GABRG3: variants seen among roughly 807,000 people sequenced by gnomAD.
GABRG3 encodes gamma-aminobutyric acid receptor subunit gamma-3.
In GABRG3, 25 loss-of-function variants were observed where a neutral mutation model predicts 48.8. The ratio of observed to expected loss-of-function variants is 0.51; its 90% confidence interval spans 0.37 to 0.72. The LOEUF (loss-of-function observed/expected upper bound fraction) is 0.72. Among genes scored for constraint, GABRG3 ranks in the 30% least tolerant of loss-of-function variants. The probability of loss-of-function intolerance (pLI) is 0.00; values close to 1 mark genes in which losing one functional copy is unlikely to be tolerated. For synonymous variants in GABRG3, 227 were observed against 217.6 expected, an observed-to-expected ratio of 1.04 and a Z score of -0.38; for missense variants, 394 against 577.9, an observed-to-expected ratio of 0.68 and a Z score of 3.26.
chr15:27,076,042 A>T lies in GABRG3; in HGVS notation c.270+49221A>T, dbSNP rs535611502. Among the ~76,000 whole-genome samples, 3 of 152,230 alleles carry T rather than the reference A, an allele frequency of 2.0e-5. No individual in the cohort carries two copies. The South Asian group carries it at 6.2e-4, about 32-fold the overall frequency. On this transcript the variant is annotated intron_variant, in intron 3 of 9. Coordinates refer to ENST00000615808, the MANE Select transcript of GABRG3 (RefSeq NM_033223.5). Reference sequence around the variant, plus strand: ...GCAGAGTCATTTGGGGGGCTTCCTCACAGTCTTGAGCTTGCAGGTGTTTGG... The same window carrying T: ...GCAGAGTCATTTGGGGGGCTTCCTCTCAGTCTTGAGCTTGCAGGTGTTTGG...
intron 3 of GABRG3, among the ~76,000 whole-genome samples, chr15:27,225,389 A>AG (rs1395313280): frequency 6.6e-6 from 1 of 152,030 alleles, no homozygotes; most frequent in East Asian, 1.9e-4. Context: ...GCCGGTGCTT[A>AG]GGGTGGACTG....
chr15:27,527,493 G>C lies in GABRG3; in HGVS notation c.926G>C (p.Arg309Pro). ...ACCATCGCCAGGAAGTCCTTGCCAC[G>C]CGTGTCCTACGTGACCGCCATGGAC... ...LSTIARKSLP[R>P]VSYVTAMDLF... The change falls in exon 8 of 10, where the codon CGC becomes CCC. Residue 309 changes from arginine (R) to proline (P), a missense_variant. Transcript: ENST00000615808. 6.2e-7 allele frequency: 1 copy of C among 1,613,922 alleles called. No homozygotes were observed. Among genetic ancestry groups the C allele is most frequent in the Non-Finnish European group, 8.5e-7 (1 of 1,179,892 alleles).
intron 3 of GABRG3, among the ~76,000 whole-genome samples, chr15:27,101,493 AAAG>A (rs971810098): frequency 6.6e-6 from 1 of 152,236 alleles, no homozygotes; most frequent in African/African-American, 2.4e-5. Flanking sequence ...TAGTTTTGAA[AAAG>A]AAGAATGAAA....
intron 3 of GABRG3, among the ~76,000 whole-genome samples, chr15:27,231,768 TAGAC>T (rs1215776611): frequency 6.6e-6 from 1 of 152,242 alleles, no homozygotes; most frequent in Non-Finnish European, 1.5e-5. Flanking sequence ...TTTTGCTTGG[TAGAC>T]AGAGAATATC....
chr15:27,286,737 A>G (rs1023832655), intron 3 of GABRG3, among the ~76,000 whole-genome samples: 4 of 152,204 alleles, frequency 2.6e-5, no homozygotes, highest in African/African-American at 4.8e-5. Context: ...TCTCACATCA[A>G]GTAGTAGAAA....
intron 6 of GABRG3, among the ~76,000 whole-genome samples, chr15:27,499,501 C>G (rs1467710763): frequency 6.6e-6 from 1 of 152,208 alleles, no homozygotes; most frequent in Non-Finnish European, 1.5e-5. Context: ...TTTTCAGCAG[C>G]CAACTCCCTT....
At chr15:27,486,818 G>A (rs961772762) in intron 6 of GABRG3, among the ~76,000 whole-genome samples, 3 of 152,124 alleles carry the variant, frequency 2.0e-5, no homozygotes, top group East Asian at 1.9e-4. Context: ...TGTAGTTCCC[G>A]TGAGGAGAAT....
At chr15:27,028,331 G>A (rs937976111) in intron 3 of GABRG3, among the ~76,000 whole-genome samples, 29 of 152,262 alleles carry the variant, frequency 1.9e-4, no homozygotes, top group Non-Finnish European at 1.3e-4. Context: ...AGCTGGGGAC[G>A]AGGGAGTGAT....
chr15:27,319,147 T>A lies in GABRG3; in HGVS notation c.271-7662T>A, dbSNP rs1893334775. On this transcript the variant is annotated intron_variant, in intron 3 of 9. Transcript: ENST00000615808. This position sits in a 1 kb window ranked among gnomAD's most constrained non-coding sequence, Gnocchi z 4.4. Reference sequence around the variant, plus strand: ...GTAACGATTTCACAATGTACACGTATGTCAAATCATCACATCATGCATCTT... The same window carrying A: ...GTAACGATTTCACAATGTACACGTAAGTCAAATCATCACATCATGCATCTT... Among the ~76,000 whole-genome samples the A allele has an allele frequency of 6.6e-6, 1 of 152,234 alleles. No homozygotes were observed. The highest frequency in any genetic ancestry group is 2.4e-5 in the African/African-American group (1 of 41,458).
At chr15:27,121,362 A>G (rs2058022003) in intron 3 of GABRG3, among the ~76,000 whole-genome samples, 1 of 152,222 alleles carries the variant, frequency 6.6e-6, no homozygotes, top group African/African-American at 2.4e-5. Context: ...CGTACCTAAC[A>G]GCTTCAGAGA....
At chr15:27,363,788 A>G (rs1595705704) in intron 5 of GABRG3, 2 of 152,166 alleles carry the variant, frequency 1.3e-5, no homozygotes, top group African/African-American at 4.8e-5. Context: ...ATTCTAGGGG[A>G]TATCAGCATG....
intron 3 of GABRG3, among the ~76,000 whole-genome samples, chr15:27,277,300 T>G (rs1034665248): frequency 1.3e-5 from 2 of 152,240 alleles, no homozygotes; most frequent in African/African-American, 4.8e-5. Context: ...GCAAAAAGTG[T>G]GACAGATGGT....
intron 3 of GABRG3, among the ~76,000 whole-genome samples, chr15:27,039,784 G>A (rs1164352787): frequency 6.6e-6 from 1 of 152,150 alleles, no homozygotes; most frequent in South Asian, 2.1e-4. Context: ...AGACCCTGTC[G>A]GTGTGCAGGA....
rs115153755 is a variant in GABRG3, at chr15:27,237,785, T to C, written c.271-89024T>C. ...GGGAGGCACCTCTTCCCACCCAGCT[T>C]GTGTCCTTGCTCATTGGGACTTGGG... On this transcript the variant is annotated intron_variant, in intron 3 of 9. Coordinates refer to ENST00000615808, the MANE Select transcript of GABRG3 (RefSeq NM_033223.5). Among the ~76,000 whole-genome samples, 1,239 of 152,350 alleles carry C rather than the reference T, an allele frequency of 8.1e-3. 12 individuals carry two copies. Among genetic ancestry groups the C allele is most frequent in the African/African-American group, 0.029 (1,187 of 41,580 alleles).
At chr15:27,188,486 A>G (rs2140420922) in intron 3 of GABRG3, among the ~76,000 whole-genome samples, 1 of 152,192 alleles carries the variant, frequency 6.6e-6, no homozygotes, top group East Asian at 1.9e-4. Context: ...AGTGATGATG[A>G]GCATTTTTTC....
At chr15:27,175,466 A>G (rs1887716270) in intron 3 of GABRG3, among the ~76,000 whole-genome samples, 1 of 152,194 alleles carries the variant, frequency 6.6e-6, no homozygotes, top group South Asian at 2.1e-4. Context: ...TATCATCCAT[A>G]GGTTTTCCAG....
chr15:26,978,711 C>T (rs112278818), intron 2 of GABRG3, among the ~76,000 whole-genome samples: 274 of 128,434 alleles, frequency 2.1e-3, no homozygotes, highest in African/African-American at 7.9e-3. Flanking sequence ...TCAATACCCA[C>T]AATTTTTATT....
chr15:27,028,576 G>A (rs1555399197), intron 3 of GABRG3, among the ~76,000 whole-genome samples: 1 of 152,128 alleles, frequency 6.6e-6, no homozygotes, highest in Non-Finnish European at 1.5e-5. Context: ...GGAGGCTGAG[G>A]CAGGCAGATC....
In GABRG3 at chr15:27,326,704, G is replaced by A. The variant is rs1893626269; in HGVS notation, c.271-105G>A. On this transcript the variant is annotated intron_variant, in intron 3 of 9. Transcript: ENST00000615808. Reference sequence around the variant, plus strand: ...CTCTATCAGAAAGAGAATTGGGGAGGTGAGGATGTCAACATGGAGAGAACA... The same window carrying A: ...CTCTATCAGAAAGAGAATTGGGGAGATGAGGATGTCAACATGGAGAGAACA... 4 of 848,888 alleles carry A rather than the reference G, an allele frequency of 4.7e-6. No homozygotes were observed. The African/African-American group carries it at 5.0e-5, about 11-fold the overall frequency. 52.6% of individuals were successfully genotyped at this position (848,888 alleles called of 1,614,324 possible).
Sources: allele counts gnomAD v4.1 joint callset (sites outside exome capture counted in the v4.1 genomes callset), GRCh38; gene constraint gnomAD v4.1.1; non-coding constraint Gnocchi (gnomAD v3.1); transcripts MANE v1.5; gene names NCBI Gene and HGNC (gene_info 2026-07-23, HGNC 2026-07-21).